Variants in PTCD2 observed in about 807,000 individuals in gnomAD.
The protein encoded by PTCD2 is pentatricopeptide repeat-containing protein 2, mitochondrial.
A neutral mutation model predicts 42.6 loss-of-function variants in PTCD2; 31 were observed. That is an observed-to-expected ratio of 0.73 (90% CI 0.55 to 0.98). The LOEUF is 0.98. PTCD2 is among the 50% of genes least tolerant of loss of function. The pLI is 0.00. For synonymous variants in PTCD2, 183 were observed against 170.9 expected (o/e 1.07, Z -0.55); for missense variants, 476 against 454.8 (o/e 1.05, Z -0.42).
At chr5:72,345,311 C>T (rs1752303331) in intron 8 of PTCD2, among the ~76,000 whole-genome samples, 1 of 152,226 alleles carries the variant, frequency 6.6e-6, no homozygotes, top group Admixed American at 6.5e-5. Flanking sequence ...AAGGTTATCT[C>T]TCTTGTTCCC....
intron 4 of PTCD2, among the ~76,000 whole-genome samples, chr5:72,332,685 TA>T (rs1486668107): frequency 6.6e-6 from 1 of 152,122 alleles, no homozygotes; most frequent in African/African-American, 2.4e-5. Flanking sequence ...AAAAGTCATG[TA>T]TAGGTAAATT....
Position 72,342,963 on chromosome 5 carries a change from A to T in PTCD2, c.755A>T (p.Asn252Ile). The T allele has an allele frequency of 6.3e-7, 1 of 1,584,746 alleles. No individual in the cohort carries two copies. Among genetic ancestry groups the T allele is most frequent in the Non-Finnish European group, 8.6e-7 (1 of 1,161,134 alleles). The change falls in exon 8 of 10, where the codon AAT (asparagine) becomes ATT (isoleucine). Residue 252 changes from asparagine to isoleucine, a missense_variant and splice_region_variant. Transcript: ENST00000380639. The part of the protein sequence containing the change: ...CFAVALALNQ[N>I]EMAKAVSIFS... ...ATGATTTGTTTCTCTTCCTTCTAGA[A>T]TGAGATGGCAAAAGCTGTGTCCATT...
chr5:72,335,605 A>G (rs1424438380), intron 5 of PTCD2, 189 bp from the exon 6 acceptor site: 1 of 468,204 alleles, frequency 2.1e-6, no homozygotes, highest in Non-Finnish European at 3.8e-6. Flanking sequence ...AGCAGCTTTT[A>G]AAACATTAGT....
rs780035000 is a variant in PTCD2 at position 72,366,747 on chromosome 5, AAG to A, written c.*8326_*8327del. ...TTTAGTGTTGAAAGGATACTTTTAA[AAG>A]AGAGAAAGCAGTAAAGTTGATCCTC... On this transcript the variant is annotated 3_prime_UTR_variant, in exon 10 of 10. Coordinates refer to ENST00000380639, the MANE Select transcript of PTCD2 (RefSeq NM_024754.5). 1 of 152,382 alleles carries A rather than the reference AAG, an allele frequency of 6.6e-6. No homozygotes were observed. Among genetic ancestry groups the A allele is most frequent in the Non-Finnish European group, 1.5e-5 (1 of 68,040 alleles). The allele number at this position is 152,382 out of a possible 1,614,324, so 9.4% of individuals were successfully genotyped here. A position where few individuals can be genotyped will look rare whatever the true frequency, so the allele number is the denominator to read the frequency against.
chr5:72,320,384 TG>T lies in PTCD2; in HGVS notation c.4del (p.Val2?), dbSNP rs781771870. The T allele has an allele frequency of 2.4e-5, 38 of 1,613,710 alleles. No individual in the cohort carries two copies. The highest frequency in any genetic ancestry group is 2.9e-5 in the Non-Finnish European group (34 of 1,179,878). On this transcript the variant is annotated frameshift_variant and start_lost, in exon 1 of 10. Coordinates refer to ENST00000380639, the MANE Select transcript of PTCD2 (RefSeq NM_024754.5). LOFTEE classifies it high-confidence loss of function. [M>X]VRDSMAAAFR... is the part of the protein sequence containing the mutation. ...CTCGCCCCGGTTCCAGTAGTTGGTATGGTCCGAGACAGTATGGCTGCTGCAT... is the reference window on the plus strand; with the variant it reads ...CTCGCCCCGGTTCCAGTAGTTGGTATGTCCGAGACAGTATGGCTGCTGCAT...
intron 4 of PTCD2, 105 bp downstream of exon 4, chr5:72,331,480 A>C: frequency 1.2e-6 from 1 of 857,188 alleles, no homozygotes; most frequent in Admixed American, 1.8e-5. Flanking sequence ...TTTTCAAAGA[A>C]AGGCTGCTGG....
In PTCD2 at chr5:72,322,211, A is replaced by G. The variant is rs746480631; in HGVS notation, c.167A>G (p.Lys56Arg). The G allele has an allele frequency of 6.2e-7, 1 of 1,603,028 alleles. No individual in the cohort carries two copies. Among genetic ancestry groups the G allele is most frequent in the Non-Finnish European group, 8.5e-7 (1 of 1,170,374 alleles). The change falls in exon 2 of 10, where the codon AAA (lysine) becomes AGA (arginine). Residue 56 changes from lysine (K) to arginine (R), a missense_variant. Physicochemically the swap from Lys to Arg is conservative, Grantham distance 26 (BLOSUM62 2). Transcript: ENST00000380639. ...YLLTDNVVKL[K>R]EFQQKKVAVA... ...CTTACAGATAATGTGGTGAAATTAA[A>G]AGAATTTCAACAAAAGAAAGTGGCT...
Position 72,363,084 on chromosome 5 carries a change from T to TA in PTCD2, c.*4661dup, listed in dbSNP as rs1417704623. 6.6e-6 allele frequency: 1 copy of TA among 152,250 alleles called. No homozygotes were observed. Among genetic ancestry groups the TA allele is most frequent in the Non-Finnish European group, 1.5e-5 (1 of 68,032 alleles). The allele number at this position is 152,250 out of a possible 1,614,324, so 9.4% of individuals were successfully genotyped here. On this transcript the variant is annotated 3_prime_UTR_variant, in exon 10 of 10. Coordinates refer to ENST00000380639, the MANE Select transcript of PTCD2 (RefSeq NM_024754.5). The stretch of plus-strand genomic sequence containing the variant: ...GCTTCTCTGTTTCTTTGCAGTGAAC[T>TA]AAAACTTCTTATGAACTCTGGTTAT...
At chr5:72,356,225 TAAC>T (rs1261258364) in intron 9 of PTCD2, among the ~76,000 whole-genome samples, 6 of 152,364 alleles carry the variant, frequency 3.9e-5, no homozygotes, top group African/African-American at 1.2e-4. Flanking sequence ...GCATTGTTGT[TAAC>T]AACCATTCCT....
At position 72,338,755 on chromosome 5, in the gene PTCD2, A is replaced by G. The variant is rs764196066; in HGVS notation, c.753+20A>G. The stretch of plus-strand genomic sequence containing the variant: ...AATCAGGTAAAGCCTTGTGGTGTAC[A>G]TAAGTAAATTGGGAGTGGCCAGGAC... On this transcript the variant is annotated intron_variant, in intron 7 of 9. Coordinates refer to ENST00000380639, the MANE Select transcript of PTCD2 (RefSeq NM_024754.5). 4.9e-6 allele frequency: 7 copies of G among 1,422,704 alleles called. No individual in the cohort carries two copies. Among genetic ancestry groups the G allele is most frequent in the Non-Finnish European group, 4.9e-6 (5 of 1,016,546 alleles). The allele number at this position is 1,422,704 out of a possible 1,614,324, so 88.1% of individuals were successfully genotyped here.
At chr5:72,321,950 C>T (rs1404238257) in intron 1 of PTCD2, among the ~76,000 whole-genome samples, 1 of 152,190 alleles carries the variant, frequency 6.6e-6, no homozygotes, top group African/African-American at 2.4e-5. Flanking sequence ...GCTTCTTTCA[C>T]ACACACAAAT....
Position 72,343,044 on chromosome 5 carries a change from AT to A in PTCD2, c.828+11del, listed in dbSNP as rs1218985358. The stretch of plus-strand genomic sequence containing the variant: ...GCCTGCATTAATTTAAATGTAAGTG[AT>A]TTCTTTATGGTTTAAGGTAAGCCTT... On this transcript the variant is annotated intron_variant, in intron 8 of 9. Coordinates refer to ENST00000380639, the MANE Select transcript of PTCD2 (RefSeq NM_024754.5). 2.7e-6 allele frequency: 4 copies of A among 1,507,556 alleles called. No individual in the cohort carries two copies. The highest frequency in any genetic ancestry group is 3.6e-6 in the Non-Finnish European group (4 of 1,099,674). The allele number at this position is 1,507,556 out of a possible 1,614,324, so 93.4% of individuals were successfully genotyped here. A position where few individuals can be genotyped will look rare whatever the true frequency, so the allele number is the denominator to read the frequency against.
intron 8 of PTCD2, among the ~76,000 whole-genome samples, chr5:72,346,262 A>G (rs932857513): frequency 6.6e-6 from 1 of 152,232 alleles, no homozygotes; most frequent in African/African-American, 2.4e-5. Flanking sequence ...TTCAAAGGGC[A>G]TAAACTTGGA....
chr5:72,325,652 G>A (rs1158290075), intron 2 of PTCD2, among the ~76,000 whole-genome samples: 2 of 152,194 alleles, frequency 1.3e-5, no homozygotes, highest in African/African-American at 4.8e-5. Flanking sequence ...TTTAAATTGA[G>A]AACAGTGCCT....
At chr5:72,347,683 C>T (rs1752427331) in intron 8 of PTCD2, among the ~76,000 whole-genome samples, 1 of 152,024 alleles carries the variant, frequency 6.6e-6, no homozygotes, top group African/African-American at 2.4e-5. Context: ...CGAGACTCTG[C>T]CTCCAACAAC....
Position 72,358,239 on chromosome 5 carries a change from G to A in PTCD2, c.979G>A (p.Ala327Thr). ...GAGGGAAAAAGTGAAGGATGTGCCT[G>A]CCCTTGTGGCCAAATTTGATGAGAT... Reference protein sequence around the residue: ...KVREKVKDVPALVAKFDEIYG... With the variant: ...KVREKVKDVPTLVAKFDEIYG... The change falls in exon 10 of 10, where the codon GCC (alanine) becomes ACC (threonine). Residue 327 changes from alanine (A) to threonine (T), a missense_variant. Physicochemically the swap from Ala to Thr is moderately conservative, Grantham distance 58. Coordinates refer to ENST00000380639, the MANE Select transcript of PTCD2 (RefSeq NM_024754.5). 6.2e-7 allele frequency: 1 copy of A among 1,614,088 alleles called. No homozygotes were observed. The highest frequency in any genetic ancestry group is 8.5e-7 in the Non-Finnish European group (1 of 1,179,990).
chr5:72,326,563 T>C (rs1233067008), intron 2 of PTCD2, 49 bp from the exon 3 acceptor site: 2 of 1,607,258 alleles, frequency 1.2e-6, no homozygotes, highest in Admixed American at 1.7e-5. Context: ...AGACTCCTTA[T>C]ACTCTCAGTC....
rs778559145 is a variant in PTCD2, at chr5:72,359,732, C to T, written c.*1305C>T. 2.6e-5 allele frequency: 4 copies of T among 152,204 alleles called. No homozygotes were observed. In the East Asian group the frequency reaches 5.8e-4, roughly 22 times the overall value. The allele number at this position is 152,204 out of a possible 1,614,324, so 9.4% of individuals were successfully genotyped here. ...CACAATCCCACCTGAGGACAGGATC[C>T]GCATATGAGAGTCGCACATTGGTAT... On this transcript the variant is annotated 3_prime_UTR_variant, in exon 10 of 10. Coordinates refer to ENST00000380639, the MANE Select transcript of PTCD2 (RefSeq NM_024754.5).
intron 6 of PTCD2, among the ~76,000 whole-genome samples, chr5:72,336,913 C>A (rs559814626): frequency 6.6e-6 from 1 of 152,106 alleles, no homozygotes; most frequent in African/African-American, 2.4e-5. Flanking sequence ...AACAAAGGAA[C>A]ATGAAGCGAA....
Sources: gnomAD v4.1 joint callset for allele counts (sites outside exome capture counted in the v4.1 genomes callset) on GRCh38, gnomAD v4.1.1 for gene constraint, MANE v1.5 for transcripts, NCBI Gene and HGNC (gene_info 2026-07-23, HGNC 2026-07-21) for gene names.